Variants in GRM8 observed in about 807,000 individuals in gnomAD.
The protein encoded by GRM8 is metabotropic glutamate receptor 8.
Under a neutral mutation model 87.2 loss-of-function variants are expected in GRM8, and 47 were observed. The observed-to-expected ratio is 0.54, with a 90% CI of 0.43 to 0.69. GRM8 has a LOEUF of 0.69. GRM8 is among the 30% of genes least tolerant of loss of function. GRM8 has a pLI of 0.00. For synonymous variants in GRM8, 396 were observed against 404.5 expected, an observed-to-expected ratio of 0.98 and a Z score of 0.25; for missense variants, 1,019 against 1,139.2, an observed-to-expected ratio of 0.89 and a Z score of 1.52.
At chr7:126,672,700 T>C (rs1311041996) in intron 7 of GRM8, among the ~76,000 whole-genome samples, 1 of 151,138 alleles carries the variant, frequency 6.6e-6, no homozygotes, top group African/African-American at 2.4e-5. Flanking sequence ...CCTCTCCCTA[T>C]GCAAACTGGT....
intron 2 of GRM8, among the ~76,000 whole-genome samples, chr7:127,147,512 T>G (rs1002661309): frequency 5.3e-5 from 8 of 151,994 alleles, no homozygotes; most frequent in Non-Finnish European, 8.8e-5. Flanking sequence ...TTGGGCAAAT[T>G]CCCTCCTATC....
intron 3 of GRM8, among the ~76,000 whole-genome samples, chr7:127,098,729 G>A (rs952616530): frequency 3.9e-5 from 6 of 152,182 alleles, no homozygotes; most frequent in Admixed American, 6.5e-5. Flanking sequence ...GTTAATATTC[G>A]GAACATGTCA....
At chr7:127,133,494 G>A (rs1827794917) in intron 2 of GRM8, among the ~76,000 whole-genome samples, 2 of 151,342 alleles carry the variant, frequency 1.3e-5, no homozygotes, top group Non-Finnish European at 2.9e-5. Context: ...GGCGAATCAC[G>A]AGGAGATCGA....
chr7:127,005,023 A>G (rs1193204767), intron 3 of GRM8, among the ~76,000 whole-genome samples: 10 of 151,630 alleles, frequency 6.6e-5, no homozygotes, highest in African/African-American at 2.4e-4. Context: ...GATAAAGAGG[A>G]AAAAAACCAT....
intron 2 of GRM8, among the ~76,000 whole-genome samples, chr7:127,171,442 G>T (rs955632881): frequency 6.6e-6 from 1 of 152,150 alleles, no homozygotes; most frequent in African/African-American, 2.4e-5. Flanking sequence ...ATGCTACAGA[G>T]AAATATTTTA....
chr7:126,713,129 A>C lies in GRM8; in HGVS notation c.1357+56736T>G, dbSNP rs113257730. On this transcript the variant is annotated intron_variant, in intron 7 of 10. Coordinates refer to ENST00000339582, the MANE Select transcript of GRM8 (RefSeq NM_000845.3). ...CCAAAGGATTATAAATCATTCTGCTATAAAGACACATGCACGTGAATGTTT... is the reference window on the plus strand; with the variant it reads ...CCAAAGGATTATAAATCATTCTGCTCTAAAGACACATGCACGTGAATGTTT... Among the ~76,000 whole-genome samples, 577 of 152,324 alleles carry C rather than the reference A, an allele frequency of 3.8e-3. 5 individuals are homozygous for C. The highest frequency in any genetic ancestry group is 0.013 in the African/African-American group (532 of 41,566).
chr7:126,991,984 T>C (rs958724721), intron 3 of GRM8, among the ~76,000 whole-genome samples: 2 of 152,096 alleles, frequency 1.3e-5, no homozygotes, highest in Non-Finnish European at 2.9e-5. Flanking sequence ...CTATGGAATC[T>C]GAAAAAAATA....
intron 7 of GRM8, among the ~76,000 whole-genome samples, chr7:126,642,367 G>A (rs187687594): frequency 5.9e-5 from 9 of 152,220 alleles, no homozygotes; most frequent in East Asian, 3.9e-4. Flanking sequence ...GGCCAGGGGC[G>A]GTGGTTCACG....
At chr7:126,907,203 AAGGAGGAGGAAGAGATGGAGG>A (rs1489917862) in intron 3 of GRM8, among the ~76,000 whole-genome samples, 32 of 148,638 alleles carry the variant, frequency 2.2e-4, no homozygotes, top group East Asian at 1.4e-3. Flanking sequence ...GAGCAGATGG[AAGGAGGAGGAAGAGATGGAGG>A]AGGAGGAGGA....
At chr7:126,943,736 T>C (rs2131553730) in intron 3 of GRM8, among the ~76,000 whole-genome samples, 1 of 152,198 alleles carries the variant, frequency 6.6e-6, no homozygotes, top group Middle Eastern at 3.4e-3. Flanking sequence ...GACTATAGAG[T>C]CCTTCATGTT....
At chr7:126,989,056 T>C (rs965552652) in intron 3 of GRM8, among the ~76,000 whole-genome samples, 2 of 152,194 alleles carry the variant, frequency 1.3e-5, no homozygotes, top group Admixed American at 1.3e-4. Context: ...CTCCCAAACA[T>C]ATAAAACTAT....
At chr7:127,235,598 T>C (rs777825215) in intron 2 of GRM8, among the ~76,000 whole-genome samples, 2 of 152,208 alleles carry the variant, frequency 1.3e-5, no homozygotes, top group South Asian at 2.1e-4. Flanking sequence ...TAAAATAAAG[T>C]ATGGTCCATC....
At chr7:126,978,173 G>C (rs1354670662) in intron 3 of GRM8, among the ~76,000 whole-genome samples, 1 of 151,704 alleles carries the variant, frequency 6.6e-6, no homozygotes, top group East Asian at 1.9e-4. Flanking sequence ...GGGGAGAGGA[G>C]GGAAGGAGAA....
intron 9 of GRM8, among the ~76,000 whole-genome samples, chr7:126,516,676 T>C (rs1302429608): frequency 2.0e-5 from 3 of 152,096 alleles, no homozygotes; most frequent in African/African-American, 4.8e-5. Flanking sequence ...ATTAGTGTAA[T>C]ATTCTAAGAA....
At chr7:126,996,500 G>A (rs1813189979) in intron 3 of GRM8, among the ~76,000 whole-genome samples, 1 of 151,770 alleles carries the variant, frequency 6.6e-6, no homozygotes, top group Admixed American at 6.6e-5. Flanking sequence ...AAAAAGCATA[G>A]AATGGCTGAA....
At chr7:126,837,689 A>G (rs1795928898) in intron 6 of GRM8, among the ~76,000 whole-genome samples, 1 of 152,248 alleles carries the variant, frequency 6.6e-6, no homozygotes, top group Non-Finnish European at 1.5e-5. Context: ...TTTTCACCTT[A>G]ACCCACTGGC....
chr7:127,016,879 C>G (rs1815730224), intron 3 of GRM8, among the ~76,000 whole-genome samples: 1 of 151,954 alleles, frequency 6.6e-6, no homozygotes, highest in South Asian at 2.1e-4. Flanking sequence ...AAAATTTTTT[C>G]ACTTTTCAAA....
chr7:127,068,391 C>G (rs1055087100), intron 3 of GRM8, among the ~76,000 whole-genome samples: 1 of 152,160 alleles, frequency 6.6e-6, no homozygotes, highest in Non-Finnish European at 1.5e-5. Flanking sequence ...GGCACATTAT[C>G]AGAATGGGGG....
At chr7:127,093,200 G>T (rs1824323612) in intron 3 of GRM8, among the ~76,000 whole-genome samples, 1 of 152,136 alleles carries the variant, frequency 6.6e-6, no homozygotes, top group Admixed American at 6.6e-5. Context: ...AGAGAGATCT[G>T]AGACTACAAG....
Sources: allele counts gnomAD v4.1 joint callset (sites outside exome capture counted in the v4.1 genomes callset), GRCh38; gene constraint gnomAD v4.1.1; transcripts MANE v1.5; gene names NCBI Gene and HGNC (gene_info 2026-07-23, HGNC 2026-07-21).